FGD5: variants seen among roughly 807,000 people sequenced by gnomAD.
FGD5 encodes FYVE, RhoGEF and PH domain-containing protein 5.
FGD5 carries 28 observed loss-of-function variants against 133.4 expected under a neutral mutation model. The ratio of observed to expected loss-of-function variants is 0.21; its 90% confidence interval spans 0.16 to 0.29. The LOEUF (loss-of-function observed/expected upper bound fraction) is 0.29. Among genes scored for constraint, FGD5 ranks in the 10% least tolerant of loss-of-function variants. The pLI is 1.00. For synonymous variants in FGD5, 810 were observed against 776.5 expected, an observed-to-expected ratio of 1.04 and a Z score of -0.72; for missense variants, 1,858 against 1,895.2, an observed-to-expected ratio of 0.98 and a Z score of 0.36.
chr3:14,829,301 G>T (rs765798181), intron 1 of FGD5, among the ~76,000 whole-genome samples: 1 of 152,200 alleles, frequency 6.6e-6, no homozygotes, highest in Admixed American at 6.5e-5. Flanking sequence ...GGGCAGGGGG[G>T]AGTCCATAGT....
intron 4 of FGD5, among the ~76,000 whole-genome samples, chr3:14,883,499 A>G (rs1488374355): frequency 6.6e-6 from 1 of 152,130 alleles, no homozygotes; most frequent in Non-Finnish European, 1.5e-5. Flanking sequence ...TTCACTCTCA[A>G]TTAATCTACT....
chr3:14,906,993 C>A (rs896308850), intron 9 of FGD5, among the ~76,000 whole-genome samples: 1 of 152,196 alleles, frequency 6.6e-6, no homozygotes, highest in South Asian at 2.1e-4. Context: ...GGATTTTATG[C>A]CCAAAACCAT....
intron 1 of FGD5, among the ~76,000 whole-genome samples, chr3:14,848,355 C>T (rs2037092294): frequency 6.7e-6 from 1 of 149,896 alleles, no homozygotes; most frequent in African/African-American, 2.5e-5. Flanking sequence ...TTCTGGGAGC[C>T]ATGGAAATCT....
At chr3:14,818,225 CTCCCATGAAATTTGCAT>C (rs1452693687), upstream of FGD5, among the ~76,000 whole-genome samples, 1 of 152,218 alleles carries the variant, frequency 6.6e-6, no homozygotes, top group African/African-American at 2.4e-5. Flanking sequence ...TATATAATTT[CTCCCATGAAATTTGCAT>C]GCCCATGAAA....
chr3:14,922,095 TCA>T lies in FGD5; in HGVS notation c.3669+82_3669+83del, dbSNP rs554305000. On this transcript the variant is annotated intron_variant, in intron 14 of 19. Transcript: ENST00000285046. This position sits in a 1 kb window ranked among gnomAD's most constrained non-coding sequence, Gnocchi z 4.1. ...CCTGGGCGGGCATTGCTGTTGCCAC[TCA>T]CACCCAGATGGACGTGTAGCTCCTG... The T allele has an allele frequency of 3.9e-3, 5,447 of 1,409,608 alleles. 11 individuals carry two copies. The highest frequency in any genetic ancestry group is 4.9e-3 in the Non-Finnish European group (4,956 of 1,021,604). The allele number at this position is 1,409,608 out of a possible 1,614,324, so 87.3% of individuals were successfully genotyped here.
chr3:14,858,178 T>C (rs1267508090), intron 1 of FGD5, among the ~76,000 whole-genome samples: 3 of 152,204 alleles, frequency 2.0e-5, no homozygotes, highest in Non-Finnish European at 4.4e-5. Flanking sequence ...GAGAGAGTAC[T>C]TGAGTCATCT....
intron 6 of FGD5, among the ~76,000 whole-genome samples, chr3:14,898,505 G>T (rs1346841336): frequency 6.6e-6 from 1 of 152,048 alleles, no homozygotes; most frequent in East Asian, 1.9e-4. Flanking sequence ...ACTAGGAGAG[G>T]CTTGATACTG....
chr3:14,897,374 TCTGGAGACA>T lies in FGD5; in HGVS notation c.2749-130_2749-122del, dbSNP rs2038157354. On this transcript the variant is annotated intron_variant, in intron 4 of 19. Transcript: ENST00000285046. ...CTGCTTTGTAGGTGAGACTGTTGGGTCTGGAGACACTGGCTTAAGTCCTCACTGCTGTCT... is the reference window on the plus strand; with the variant it reads ...CTGCTTTGTAGGTGAGACTGTTGGGTCTGGCTTAAGTCCTCACTGCTGTCT... The T allele has an allele frequency of 3.0e-6, 3 of 1,008,876 alleles. No individual in the cohort carries two copies. In the East Asian group the frequency reaches 7.9e-5, roughly 26 times the overall value. The allele number at this position is 1,008,876 out of a possible 1,614,324, so 62.5% of individuals were successfully genotyped here. A position where few individuals can be genotyped will look rare whatever the true frequency, so the allele number is the denominator to read the frequency against.
intron 18 of FGD5, 70 bp from the exon 19 acceptor site, chr3:14,932,507 T>G: frequency 2.0e-6 from 3 of 1,520,198 alleles, no homozygotes; most frequent in Non-Finnish European, 1.8e-6. Flanking sequence ...GCATCTCAGA[T>G]TGGAGATAAC....
intron 1 of FGD5, among the ~76,000 whole-genome samples, chr3:14,844,243 T>TATAC (rs2036996574): frequency 1.5e-4 from 7 of 47,222 alleles, no homozygotes; most frequent in African/African-American, 4.3e-4. Context: ...TATATATATA[T>TATAC]ATATATATAT....
chr3:14,913,052 C>A (rs1440780518), intron 11 of FGD5, among the ~76,000 whole-genome samples: 3 of 151,944 alleles, frequency 2.0e-5, no homozygotes, highest in Non-Finnish European at 2.9e-5. Context: ...AAAAAAAATT[C>A]TCTCCATTGA....
chr3:14,897,732 A>T, intron 5 of FGD5, 63 bp downstream of exon 5: 3 of 1,513,064 alleles, frequency 2.0e-6, no homozygotes, highest in Non-Finnish European at 2.7e-6. Context: ...AGACGGATAA[A>T]AACACCACCA....
chr3:14,900,425 G>A lies in FGD5; in HGVS notation c.3177G>A (p.Pro1059=), dbSNP rs765125958. The change falls in exon 8 of 20, where the codon CCG becomes CCA. Residue 1059 remains proline (P), a synonymous_variant. Coordinates refer to ENST00000285046, the MANE Select transcript of FGD5 (RefSeq NM_152536.4). The part of the protein sequence containing the change: ...LLTDYLNNLC[P]DSAEYDNTQG... ...CAGACTATTTAAACAACCTTTGTCC[G>A]GACTCCGCCGAGTACGACAACACAC... The A allele has an allele frequency of 1.5e-5, 24 of 1,613,448 alleles. No individual in the cohort carries two copies. Among genetic ancestry groups the A allele is most frequent in the South Asian group, 7.7e-5 (7 of 90,894 alleles).
intron 2 of FGD5, among the ~76,000 whole-genome samples, chr3:14,877,250 G>A (rs2037737716): frequency 6.6e-6 from 1 of 152,260 alleles, no homozygotes. Flanking sequence ...CACACAGCCT[G>A]CCAGGCCTCC....
At chr3:14,900,790 C>T (rs575026112) in intron 8 of FGD5, among the ~76,000 whole-genome samples, 1 of 152,274 alleles carries the variant, frequency 6.6e-6, no homozygotes, top group African/African-American at 2.4e-5. Context: ...TGTGGCTGTC[C>T]CTGTGTATCA....
chr3:14,885,067 C>A (rs1204740043), intron 4 of FGD5, among the ~76,000 whole-genome samples: 2 of 151,558 alleles, frequency 1.3e-5, no homozygotes, highest in Non-Finnish European at 2.9e-5. Flanking sequence ...AGCTTAGGGC[C>A]CTTGTCCACT....
chr3:14,845,456 G>A (rs1042853186), intron 1 of FGD5, among the ~76,000 whole-genome samples: 2 of 152,186 alleles, frequency 1.3e-5, no homozygotes, highest in Non-Finnish European at 2.9e-5. Flanking sequence ...CAGGGTTCTT[G>A]CTCCTGCTGC....
At chr3:14,930,575 T>G (rs1575268460) in intron 18 of FGD5, among the ~76,000 whole-genome samples, 1 of 142,610 alleles carries the variant, frequency 7.0e-6, no homozygotes, top group South Asian at 2.2e-4. Flanking sequence ...CCAGTCAGAC[T>G]TTTTTTTCCC....
At chr3:14,832,326 T>G (rs1331640400) in intron 1 of FGD5, among the ~76,000 whole-genome samples, 30 of 152,168 alleles carry the variant, frequency 2.0e-4, no homozygotes, top group Non-Finnish European at 7.4e-5. Flanking sequence ...TTGTATGTGT[T>G]AACTCAATTC....
Sources: gnomAD v4.1 joint callset for allele counts (sites outside exome capture counted in the v4.1 genomes callset) on GRCh38, gnomAD v4.1.1 for gene constraint, Gnocchi (gnomAD v3.1) non-coding constraint, MANE v1.5 for transcripts, NCBI Gene and HGNC (gene_info 2026-07-23, HGNC 2026-07-21) for gene names.